Variants in ALPL observed in about 807,000 individuals in gnomAD.
ALPL encodes the protein alkaline phosphatase, tissue-nonspecific isozyme.
In ALPL, 42 loss-of-function variants were observed where a neutral mutation model predicts 51.3. That is an observed-to-expected ratio of 0.82 (90% confidence interval 0.64 to 1.06). The LOEUF (loss-of-function observed/expected upper bound fraction) is 1.06, where lower values mean the gene tolerates loss of function less well. Among genes scored for constraint, ALPL ranks in the 50% least tolerant of loss-of-function variants. The pLI, the probability that ALPL is intolerant of heterozygous loss-of-function variation, is 0.00. For missense variants in ALPL, 589 were observed against 709.4 expected (o/e 0.83, Z 1.93); for synonymous variants, 279 against 296.4 (o/e 0.94, Z 0.60).
chr1:21,525,812 A>C (rs1260956831), intron 1 of ALPL, among the ~76,000 whole-genome samples: 2 of 152,148 alleles, frequency 1.3e-5, no homozygotes, highest in African/African-American at 4.8e-5. Flanking sequence ...ACATGGTGAA[A>C]CCTCGTCTCT....
chr1:21,552,106 T>TTCCCTTC (rs1644335078), intron 1 of ALPL, among the ~76,000 whole-genome samples: 1 of 33,794 alleles, frequency 3.0e-5, no homozygotes. Context: ...CCCTTCCCTT[T>TTCCCTTC]CCTCCCCTTC....
At position 21,568,217 on chromosome 1, in the gene ALPL, C is replaced by T. The variant is rs1644595152; in HGVS notation, c.762C>T (p.Asp254=). The part of the protein sequence containing the change: ...GTRLDGLDLV[D]TWKSFKPRYK... The stretch of plus-strand genomic sequence containing the variant: ...GGCTGGACGGCCTGGACCTCGTTGA[C>T]ACCTGGAAGAGCTTCAAACCGAGAT... Residue 254 remains aspartate (D), a synonymous_variant, in exon 7 of 12, where the codon GAC becomes GAT. Transcript: ENST00000374840. 4 of 1,613,912 alleles carry T rather than the reference C, an allele frequency of 2.5e-6. No homozygotes were observed. Among genetic ancestry groups the T allele is most frequent in the East Asian group, 4.5e-5 (2 of 44,872 alleles).
chr1:21,517,593 C>T (rs1643824714), intron 1 of ALPL, among the ~76,000 whole-genome samples: 1 of 152,094 alleles, frequency 6.6e-6, no homozygotes, highest in East Asian at 1.9e-4. Flanking sequence ...CTGTTCACCC[C>T]CTCATAGGAA....
At chr1:21,569,313 G>A (rs566294229) in intron 7 of ALPL, among the ~76,000 whole-genome samples, 5 of 152,306 alleles carry the variant, frequency 3.3e-5, no homozygotes, top group African/African-American at 4.8e-5. Flanking sequence ...CCAGGAACTC[G>A]GTCTAGACCT....
chr1:21,577,861 T>C lies in ALPL; in HGVS notation c.*213T>C. 1.5e-6 allele frequency: 1 copy of C among 649,382 alleles called. No individual in the cohort carries two copies. The highest frequency in any genetic ancestry group is 2.6e-6 in the Non-Finnish European group (1 of 382,224). The allele number at this position is 649,382 out of a possible 1,614,324, so 40.2% of individuals were successfully genotyped here. On this transcript the variant is annotated 3_prime_UTR_variant, in exon 12 of 12. Coordinates refer to ENST00000374840, the MANE Select transcript of ALPL (RefSeq NM_000478.6). ...CTTCTGGCCTCCAGCCTTTGCTCCC[T>C]CCCCGCTGCCCTTTGGCCAACAGGG...
chr1:21,545,598 A>G (rs1271713296), intron 1 of ALPL, among the ~76,000 whole-genome samples: 1 of 151,468 alleles, frequency 6.6e-6, no homozygotes, highest in East Asian at 2.0e-4. Context: ...GCCACCAATT[A>G]CCAAGTTTTA....
chr1:21,510,078 G>T (rs1040651474), intron 1 of ALPL, among the ~76,000 whole-genome samples: 2 of 152,104 alleles, frequency 1.3e-5, no homozygotes, highest in East Asian at 3.9e-4. Flanking sequence ...GAGGACACCC[G>T]CGTGGGTGTC....
intron 5 of ALPL, among the ~76,000 whole-genome samples, chr1:21,563,816 C>A (rs1194458852): frequency 6.6e-6 from 1 of 152,160 alleles, no homozygotes; most frequent in Non-Finnish European, 1.5e-5. Flanking sequence ...ATCTCAAGGG[C>A]CTTCGGGGTG....
chr1:21,518,357 G>A (rs1230821480), intron 1 of ALPL, among the ~76,000 whole-genome samples: 1 of 152,140 alleles, frequency 6.6e-6, no homozygotes, highest in African/African-American at 2.4e-5. Flanking sequence ...GAAATGCTTT[G>A]TATACATTTA....
At chr1:21,569,069 C>T (rs984682435) in intron 7 of ALPL, among the ~76,000 whole-genome samples, 3 of 151,912 alleles carry the variant, frequency 2.0e-5, no homozygotes, top group South Asian at 2.1e-4. Context: ...GGGGAGGCCT[C>T]GTGGGATGAG....
At chr1:21,576,678 G>A in intron 11 of ALPL, 37 bp downstream of exon 11, 1 of 1,612,268 alleles carries the variant, frequency 6.2e-7, no homozygotes, top group Non-Finnish European at 8.5e-7. Context: ...GAGGGGACAG[G>A]GCACCCCTCG....
At chr1:21,570,433 G>A (rs549199633) in intron 8 of ALPL, 59 bp downstream of exon 8, 415 of 1,551,084 alleles carry the variant, frequency 2.7e-4, no homozygotes, top group Admixed American at 4.2e-4. Context: ...CCGGAGCTGC[G>A]TGTGGCCAGC....
rs1332490870 is a variant in ALPL at position 21,573,813 on chromosome 1, G to C, written c.997+14G>C. On this transcript the variant is annotated intron_variant, in intron 9 of 11. Coordinates refer to ENST00000374840, the MANE Select transcript of ALPL (RefSeq NM_000478.6). ...TGCTGGTGGAAGGTAGGGACCCCGG[G>C]TCTGCTGAGAGGGGGCTGCTGGAAA... 1.2e-5 allele frequency: 20 copies of C among 1,614,032 alleles called. No individual in the cohort carries two copies. The Admixed American group carries it at 3.2e-4, about 26-fold the overall frequency.
intron 1 of ALPL, among the ~76,000 whole-genome samples, chr1:21,512,441 A>G (rs1643708134): frequency 6.6e-6 from 1 of 152,194 alleles, no homozygotes; most frequent in Non-Finnish European, 1.5e-5. Context: ...TTATTAAGAC[A>G]TTCATATTTC....
intron 11 of ALPL, 68 bp downstream of exon 11, chr1:21,576,709 G>T: frequency 6.3e-7 from 1 of 1,598,206 alleles, no homozygotes; most frequent in Non-Finnish European, 8.6e-7. Flanking sequence ...TGGGAATAGG[G>T]TGTCAGCTTG....
chr1:21,531,585 T>C (rs1644031197), intron 1 of ALPL, among the ~76,000 whole-genome samples: 2 of 152,174 alleles, frequency 1.3e-5, no homozygotes, highest in Non-Finnish European at 2.9e-5. Flanking sequence ...AGGAGGATTC[T>C]GGGAGGACAC....
chr1:21,556,834 G>A (rs1644420260), intron 2 of ALPL, among the ~76,000 whole-genome samples: 1 of 152,194 alleles, frequency 6.6e-6, no homozygotes, highest in Non-Finnish European at 1.5e-5. Flanking sequence ...AGCTACTTGG[G>A]AGGCTGAGGC....
At chr1:21,523,774 G>A (rs1225003557) in intron 1 of ALPL, among the ~76,000 whole-genome samples, 1 of 152,200 alleles carries the variant, frequency 6.6e-6, no homozygotes, top group Non-Finnish European at 1.5e-5. Context: ...GGCTCAGGGA[G>A]GTAGCAACTT....
intron 1 of ALPL, among the ~76,000 whole-genome samples, chr1:21,533,935 A>G (rs145288993): frequency 9.0e-5 from 9 of 100,442 alleles, no homozygotes; most frequent in South Asian, 4.7e-4. Context: ...AAAAAAAAAA[A>G]AAGAAGAAGA....
Sources: gnomAD v4.1 joint callset for allele counts (sites outside exome capture counted in the v4.1 genomes callset) on GRCh38, gnomAD v4.1.1 for gene constraint, MANE v1.5 for transcripts, NCBI Gene and HGNC (gene_info 2026-07-23, HGNC 2026-07-21) for gene names.